DNAH12: variants seen among roughly 807,000 people sequenced by gnomAD.
DNAH12 encodes the protein axonemal beta dynein heavy chain 12.
In DNAH12, 285 loss-of-function variants were observed where a neutral mutation model predicts 371.5. The ratio of observed to expected loss-of-function variants is 0.77; its 90% CI spans 0.70 to 0.85. DNAH12 has a LOEUF of 0.85. DNAH12 is among the 40% of genes least tolerant of loss of function. The pLI, the probability that DNAH12 is intolerant of heterozygous loss-of-function variation, is 0.00. For missense variants in DNAH12, 3,611 were observed against 3,689.4 expected (o/e 0.98, Z 0.55); for synonymous variants, 1,200 against 1,213.0 (o/e 0.99, Z 0.22).
intron 65 of DNAH12, among the ~76,000 whole-genome samples, chr3:57,316,229 G>T (rs1296630131): frequency 6.6e-6 from 1 of 151,302 alleles, no homozygotes; most frequent in African/African-American, 2.4e-5. Context: ...CATCAGTGAG[G>T]GTATGCATTT....
At position 57,428,651 on chromosome 3, in the gene DNAH12, C is replaced by T. The variant is rs1350136833; in HGVS notation, c.5235G>A (p.Gln1745=). ...FAWLIPPSLN[Q]RKKKCKELIP... ...GGATTACCTTGCATTTTTTCTTACGCTGGTTTAAAGAGGGTGGTATTAACC... is the reference window on the plus strand; with the variant it reads ...GGATTACCTTGCATTTTTTCTTACGTTGGTTTAAAGAGGGTGGTATTAACC... Residue 1745 remains glutamine, a synonymous_variant, in exon 34 of 74, where the codon CAG becomes CAA. Coordinates refer to ENST00000495027, the MANE Select transcript of DNAH12 (RefSeq NM_001366028.2). 1 of 1,528,844 alleles carries T rather than the reference C, an allele frequency of 6.5e-7. No individual in the cohort carries two copies. The allele number at this position is 1,528,844 out of a possible 1,614,324, so 94.7% of individuals were successfully genotyped here.
intron 22 of DNAH12, among the ~76,000 whole-genome samples, chr3:57,455,722 A>G (rs1379536487): frequency 6.6e-6 from 1 of 152,238 alleles, no homozygotes; most frequent in African/African-American, 2.4e-5. Flanking sequence ...GAAAACCTAT[A>G]TGACCAGGGT....
At chr3:57,346,295 G>A (rs1247589836) in intron 60 of DNAH12, among the ~76,000 whole-genome samples, 1 of 152,130 alleles carries the variant, frequency 6.6e-6, no homozygotes, top group Non-Finnish European at 1.5e-5. Context: ...AGTGTTATAA[G>A]GCACGGGGGA....
chr3:57,337,099 T>G (rs1553654015), intron 60 of DNAH12, among the ~76,000 whole-genome samples: 2 of 152,284 alleles, frequency 1.3e-5, no homozygotes, highest in East Asian at 1.9e-4. Context: ...TAGGAGTAGC[T>G]ATATTTACAT....
intron 58 of DNAH12, among the ~76,000 whole-genome samples, chr3:57,362,038 A>G (rs1458512737): frequency 8.7e-6 from 1 of 114,514 alleles, no homozygotes; most frequent in African/African-American, 3.4e-5. Flanking sequence ...GACAGCTCCC[A>G]GTGTATGATG....
intron 70 of DNAH12, among the ~76,000 whole-genome samples, chr3:57,298,086 T>C (rs1416868375): frequency 1.3e-5 from 2 of 152,224 alleles, no homozygotes; most frequent in Non-Finnish European, 2.9e-5. Flanking sequence ...GGTCTCTTTG[T>C]GCTGGGTGGA....
intron 12 of DNAH12, among the ~76,000 whole-genome samples, chr3:57,485,506 A>G (rs1454132826): frequency 1.3e-5 from 2 of 151,512 alleles, no homozygotes; most frequent in African/African-American, 4.9e-5. Context: ...GGTTCAAGCC[A>G]TTCTCCTGCC....
chr3:57,377,592 G>A (rs1169871857), intron 52 of DNAH12, among the ~76,000 whole-genome samples: 1 of 151,634 alleles, frequency 6.6e-6, no homozygotes, highest in Non-Finnish European at 1.5e-5. Flanking sequence ...ACATGAATAT[G>A]TTTTGGGTGT....
At chr3:57,402,601 C>T (rs1443774440) in intron 43 of DNAH12, among the ~76,000 whole-genome samples, 1 of 152,158 alleles carries the variant, frequency 6.6e-6, no homozygotes, top group African/African-American at 2.4e-5. Context: ...ATAAACATTA[C>T]ATGTTCTCAC....
intron 2 of DNAH12, among the ~76,000 whole-genome samples, chr3:57,525,327 T>A (rs1220332286): frequency 6.6e-6 from 1 of 152,106 alleles, no homozygotes; most frequent in Non-Finnish European, 1.5e-5. Flanking sequence ...AAGCATCTGG[T>A]GAATGAATGA....
chr3:57,424,635 G>A (rs2064702669), intron 35 of DNAH12, among the ~76,000 whole-genome samples: 1 of 151,836 alleles, frequency 6.6e-6, no homozygotes, highest in East Asian at 1.9e-4. Context: ...AATTAGCCAG[G>A]TGTGGTGGCA....
chr3:57,513,332 A>T lies in DNAH12; in HGVS notation c.280-2353T>A, dbSNP rs1056795001. ...AGGTGAACAATGAGAACACATGGACACAGGGAAGGGAGTAACACAAAACAA... is the reference window on the plus strand; with the variant it reads ...AGGTGAACAATGAGAACACATGGACTCAGGGAAGGGAGTAACACAAAACAA... On this transcript the variant is annotated intron_variant, in intron 4 of 73. Coordinates refer to ENST00000495027, the MANE Select transcript of DNAH12 (RefSeq NM_001366028.2). Among the ~76,000 whole-genome samples the T allele has an allele frequency of 2.0e-5, 3 of 152,116 alleles. No homozygotes were observed. The South Asian group carries it at 6.2e-4, about 32-fold the overall frequency.
In DNAH12 at chr3:57,452,851, T is replaced by C. The variant is rs2065793798; in HGVS notation, c.3778A>G (p.Arg1260Gly). Reference sequence around the variant, plus strand: ...ATAATTTAAATGCATACCAATGTTCTGTAACACCTGTCAGTTAGAGGCGTA... The same window carrying C: ...ATAATTTAAATGCATACCAATGTTCCGTAACACCTGTCAGTTAGAGGCGTA... ...VITPLTDRCY[R>G]TLIGAFYLNL... Residue 1260 changes from arginine to glycine, a missense_variant, in exon 25 of 74, where the codon AGA (arginine) becomes GGA (glycine). Arg to Gly is a moderately radical substitution (Grantham distance 125, BLOSUM62 -2). Around this residue, in one of 3 missense-constraint regions of DNAH12, gnomAD observed 2,266 missense variants for 2,236.9 expected, o/e 1.01. Coordinates refer to ENST00000495027, the MANE Select transcript of DNAH12 (RefSeq NM_001366028.2). 2 of 1,546,438 alleles carry C rather than the reference T, an allele frequency of 1.3e-6. No individual in the cohort carries two copies. Among genetic ancestry groups the C allele is most frequent in the Non-Finnish European group, 1.7e-6 (2 of 1,145,764 alleles).
chr3:57,537,221 A>T (rs1224522325), intron 2 of DNAH12, among the ~76,000 whole-genome samples: 1 of 152,126 alleles, frequency 6.6e-6, no homozygotes, highest in South Asian at 2.1e-4. Context: ...GGTGGCAAAA[A>T]CATGAATAAT....
chr3:57,453,725 C>G (rs1280687933), intron 23 of DNAH12, among the ~76,000 whole-genome samples: 3 of 151,988 alleles, frequency 2.0e-5, no homozygotes, highest in African/African-American at 7.3e-5. Flanking sequence ...AGGCATGTGC[C>G]AGTAGGTCTG....
chr3:57,405,546 TA>T, intron 41 of DNAH12, 106 bp downstream of exon 41: 1 of 1,254,944 alleles, frequency 8.0e-7, no homozygotes, highest in Non-Finnish European at 1.1e-6. Flanking sequence ...CAAGGAATGC[TA>T]AAAGAATATG....
intron 4 of DNAH12, among the ~76,000 whole-genome samples, chr3:57,518,251 A>G (rs928212618): frequency 3.9e-5 from 6 of 152,086 alleles, no homozygotes; most frequent in African/African-American, 1.4e-4. Context: ...CTGGCCGGGC[A>G]CGGTGGCTCA....
intron 2 of DNAH12, among the ~76,000 whole-genome samples, chr3:57,531,620 T>C (rs913796622): frequency 6.6e-6 from 1 of 151,750 alleles, no homozygotes; most frequent in Admixed American, 6.6e-5. Context: ...AAAAAATATC[T>C]GGGTGTGGCG....
intron 63 of DNAH12, 35 bp downstream of exon 63, chr3:57,323,432 TTA>T: frequency 1.3e-6 from 2 of 1,498,670 alleles, no homozygotes; most frequent in Middle Eastern, 1.7e-4. Context: ...GATGTTTTAT[TTA>T]TGATTTCTTA....
Sources: gnomAD v4.1 joint callset for allele counts (sites outside exome capture counted in the v4.1 genomes callset) on GRCh38, gnomAD v4.1.1 for gene constraint, gnomAD v4.1.1 regional missense constraint, MANE v1.5 for transcripts, NCBI Gene and HGNC (gene_info 2026-07-23, HGNC 2026-07-21) for gene names.